The following MYOM3 variants were observed in gnomAD, a reference collection of about 807,000 sequenced individuals.
MYOM3 encodes the protein myomesin 3.
MYOM3 carries 155 observed loss-of-function variants against 191.7 expected under a neutral mutation model. That is an observed-to-expected ratio of 0.81 (90% CI 0.71 to 0.92). MYOM3 has a LOEUF of 0.92. Among genes scored for constraint, MYOM3 ranks in the 40% least tolerant of loss-of-function variants. The pLI, the probability that MYOM3 is intolerant of heterozygous loss-of-function variation, is 0.00. For missense variants in MYOM3, 1,889 were observed against 1,890.6 expected, an observed-to-expected ratio of 1.00 and a Z score of 0.02; for synonymous variants, 757 against 762.9, an observed-to-expected ratio of 0.99 and a Z score of 0.13.
In MYOM3 at chr1:24,080,205, T is replaced by C. The variant is rs754722579; in HGVS notation, c.2408-11A>G. 1.2e-6 allele frequency: 2 copies of C among 1,600,942 alleles called. No homozygotes were observed. Among genetic ancestry groups the C allele is most frequent in the Non-Finnish European group, 1.7e-6 (2 of 1,173,062 alleles). On this transcript the variant is annotated splice_polypyrimidine_tract_variant and intron_variant, in intron 19 of 36. Transcript: ENST00000374434. ...CATCGTACGGGGGGCCTGTGACAAGTGAGAGATGGGAAGAGATGTGTGAGT... is the reference window on the plus strand; with the variant it reads ...CATCGTACGGGGGGCCTGTGACAAGCGAGAGATGGGAAGAGATGTGTGAGT...
chr1:24,061,278 T>C lies in MYOM3; in HGVS notation c.3966A>G (p.Arg1322=), dbSNP rs1469269912. Residue 1322 remains arginine, a synonymous_variant, in exon 34 of 37, where the codon AGA becomes AGG. Transcript: ENST00000374434. ...GAAATGTAGAGGAAACTTACTTCAG[T>C]CTCTGGTGTTCAGCCATTGCATCCT... ...AFEDAMAEHQ[R]LKTLAIIEKN... 1 of 1,614,052 alleles carries C rather than the reference T, an allele frequency of 6.2e-7. No homozygotes were observed. Among genetic ancestry groups the C allele is most frequent in the Non-Finnish European group, 8.5e-7 (1 of 1,179,986 alleles).
chr1:24,099,732 C>A lies in MYOM3; in HGVS notation c.604G>T (p.Gly202Ter). The A allele has an allele frequency of 6.2e-7, 1 of 1,614,018 alleles. No homozygotes were observed. The highest frequency in any genetic ancestry group is 1.7e-5 in the Admixed American group (1 of 59,994). The change falls in exon 6 of 37, where the codon GGA becomes TGA. Residue 202 changes from glycine to a stop codon, truncating the protein, a stop_gained. Coordinates refer to ENST00000374434, the MANE Select transcript of MYOM3 (RefSeq NM_152372.4). LOFTEE classifies it high-confidence loss of function. ...TAGTTGTTGGTGATTCGGTATTTTC[C>A]GGCACGAAAGAGGCGGGGATCAATC... ...TRIDPRLFRA[G>*]KYRITNNYGL...
rs762411324 is a variant in MYOM3 at position 24,091,023 on chromosome 1, G to A, written c.1233-27C>T. 3.7e-6 allele frequency: 6 copies of A among 1,611,780 alleles called. No homozygotes were observed. The East Asian group carries it at 8.9e-5, about 24-fold the overall frequency. On this transcript the variant is annotated intron_variant, in intron 11 of 36. Transcript: ENST00000374434. The stretch of plus-strand genomic sequence containing the variant: ...TGTTGGAGACAGGCCCCCCCTTTCA[G>A]CCCCTGCCCACAATGCACACCTTCC...
chr1:24,062,866 C>T (rs762155134), intron 32 of MYOM3, among the ~76,000 whole-genome samples: 44 of 152,326 alleles, frequency 2.9e-4, no homozygotes, highest in African/African-American at 6.0e-4. Flanking sequence ...AATGTTGTCC[C>T]GCCAAGGTTC....
rs765350357 is a variant in MYOM3, at chr1:24,058,954, C to T, written c.4020G>A (p.Leu1340=). 3 of 1,612,126 alleles carry T rather than the reference C, an allele frequency of 1.9e-6. No individual in the cohort carries two copies. The East Asian group carries it at 6.7e-5, about 36-fold the overall frequency. ...EKNRAKVVRG[L]PDVATIMEDK... is the part of the protein sequence containing the mutation. ...CTTCCATGATAGTGGCCACATCCGG[C>T]AGACCTCTCACCACTTTGGCACGAT... Residue 1340 remains leucine, a synonymous_variant, in exon 36 of 37, where the codon CTG becomes CTA. Transcript: ENST00000374434.
At chr1:24,095,408 A>G in intron 8 of MYOM3, 34 bp downstream of exon 8, 1 of 1,599,226 alleles carries the variant, frequency 6.3e-7, no homozygotes, top group African/African-American at 1.3e-5. Flanking sequence ...CTGAACAAAG[A>G]ATCCCAGGTC....
chr1:24,101,006 C>T (rs1643908111), intron 5 of MYOM3, among the ~76,000 whole-genome samples: 1 of 152,106 alleles, frequency 6.6e-6, no homozygotes, highest in South Asian at 2.1e-4. Context: ...ACAGAATTTA[C>T]CCACGGGCCA....
Position 24,056,514 on chromosome 1 carries a change from AC to A in MYOM3, c.*849del, listed in dbSNP as rs1201866714. 6.6e-6 allele frequency: 1 copy of A among 152,132 alleles called. No homozygotes were observed. The highest frequency in any genetic ancestry group is 2.4e-5 in the African/African-American group (1 of 41,408). The allele number at this position is 152,132 out of a possible 1,614,324, so 9.4% of individuals were successfully genotyped here. A position where few individuals can be genotyped will look rare whatever the true frequency, so the allele number is the denominator to read the frequency against. ...CTTCTGAATAGCCGGGATTACAGGC[AC>A]CTGCCACCATGCCTGGCTAATTTTT... On this transcript the variant is annotated 3_prime_UTR_variant, in exon 37 of 37. Coordinates refer to ENST00000374434, the MANE Select transcript of MYOM3 (RefSeq NM_152372.4).
In MYOM3 at chr1:24,063,804, C is replaced by T. The variant is rs1643401497; in HGVS notation, c.3622+268G>A. ...GATCAGCCTGATGAGGAGCCTGGGCCCACTGTGGGACGGAGGAGTGAACTC... is the reference window on the plus strand; with the variant it reads ...GATCAGCCTGATGAGGAGCCTGGGCTCACTGTGGGACGGAGGAGTGAACTC... On this transcript the variant is annotated intron_variant, in intron 30 of 36. Coordinates refer to ENST00000374434, the MANE Select transcript of MYOM3 (RefSeq NM_152372.4). The surrounding 1 kb of genome is among the most constrained non-coding windows in gnomAD (Gnocchi z 4.5). 1.3e-5 allele frequency among the ~76,000 whole-genome samples: 2 copies of T among 152,060 alleles called. No homozygotes were observed. Among genetic ancestry groups the T allele is most frequent in the African/African-American group, 4.8e-5 (2 of 41,384 alleles).
intron 20 of MYOM3, among the ~76,000 whole-genome samples, chr1:24,078,178 G>A (rs1046945860): frequency 1.3e-5 from 2 of 150,968 alleles, no homozygotes; most frequent in African/African-American, 4.9e-5. Context: ...GCAGTGGTGC[G>A]ATCTCGGCTC....
At chr1:24,072,887 C>T (rs1373837703) in intron 23 of MYOM3, among the ~76,000 whole-genome samples, 2 of 152,134 alleles carry the variant, frequency 1.3e-5, no homozygotes, top group South Asian at 2.1e-4. Context: ...TCTGAATCTA[C>T]GTGAATGTTT....
At chr1:24,073,131 C>T (rs573230280) in intron 23 of MYOM3, among the ~76,000 whole-genome samples, 2 of 152,276 alleles carry the variant, frequency 1.3e-5, no homozygotes, top group Non-Finnish European at 2.9e-5. Context: ...TGGGGGCAGC[C>T]AGGGATTATA....
intron 29 of MYOM3, among the ~76,000 whole-genome samples, chr1:24,064,879 C>A (rs969165523): frequency 6.6e-6 from 1 of 152,154 alleles, no homozygotes; most frequent in African/African-American, 2.4e-5. Flanking sequence ...CCTCACCATC[C>A]CAGGAAGTCT....
chr1:24,090,151 G>C (rs1409894399), intron 12 of MYOM3, 33 bp from the exon 13 acceptor site: 1 of 1,574,172 alleles, frequency 6.4e-7, no homozygotes, highest in Non-Finnish European at 8.7e-7. Flanking sequence ...GAGGGTGGGG[G>C]GTGGCACAGG....
At chr1:24,074,856 G>A (rs543665250) in intron 22 of MYOM3, among the ~76,000 whole-genome samples, 1 of 152,272 alleles carries the variant, frequency 6.6e-6, no homozygotes, top group South Asian at 2.1e-4. Flanking sequence ...AGGCTGAGTG[G>A]GGAGGATTGG....
At chr1:24,095,833 G>A (rs981350689) in intron 7 of MYOM3, among the ~76,000 whole-genome samples, 1 of 152,124 alleles carries the variant, frequency 6.6e-6, no homozygotes, top group African/African-American at 2.4e-5. Flanking sequence ...GCTCAGAGGC[G>A]CGGGGATTTC....
intron 1 of MYOM3, 31 bp from the exon 2 acceptor site, chr1:24,108,685 C>T (rs1243532122): frequency 6.7e-7 from 1 of 1,486,044 alleles, no homozygotes; most frequent in East Asian, 2.7e-5. Flanking sequence ...GGTCATTCCA[C>T]CAGGTGCCCG....
Position 24,108,058 on chromosome 1 carries a change from C to T in MYOM3, c.177G>A (p.Glu59=), listed in dbSNP as rs780197522. 11 of 1,613,628 alleles carry T rather than the reference C, an allele frequency of 6.8e-6. No individual in the cohort carries two copies. The highest frequency in any genetic ancestry group is 9.3e-6 in the Non-Finnish European group (11 of 1,179,840). Residue 59 remains glutamate (E), a synonymous_variant, in exon 3 of 37, where the codon GAG becomes GAA. Coordinates refer to ENST00000374434, the MANE Select transcript of MYOM3 (RefSeq NM_152372.4). ...CCAGGGCGTAGTCCGCGGCGCTGAACTCATGCTCTTCTTCGCTGCTCCCAG... is the reference window on the plus strand; with the variant it reads ...CCAGGGCGTAGTCCGCGGCGCTGAATTCATGCTCTTCTTCGCTGCTCCCAG... The part of the protein sequence containing the change: ...RTFRSSEEEH[E]FSAADYALAA...
intron 5 of MYOM3, among the ~76,000 whole-genome samples, chr1:24,103,862 A>G (rs1307724043): frequency 2.1e-5 from 3 of 143,696 alleles, no homozygotes; most frequent in Admixed American, 7.2e-5. Context: ...CTCTTTGTTC[A>G]TGGCTCAGTC....
Sources: gnomAD v4.1 joint callset for allele counts (sites outside exome capture counted in the v4.1 genomes callset) on GRCh38, gnomAD v4.1.1 for gene constraint, Gnocchi (gnomAD v3.1) non-coding constraint, MANE v1.5 for transcripts, NCBI Gene and HGNC (gene_info 2026-07-23, HGNC 2026-07-21) for gene names.